SLC10A3: variants seen among roughly 807,000 people sequenced by gnomAD.
SLC10A3 encodes P3 protein.
SLC10A3 carries 1 observed loss-of-function variant against 1.9 expected under a neutral mutation model. The ratio of observed to expected loss-of-function variants is 0.52; its 90% CI spans 0.19 to 2.48. SLC10A3 has a LOEUF of 2.48. Ranked by LOEUF, SLC10A3 falls within the 30% of genes most tolerant of loss-of-function variation. The pLI, the probability that SLC10A3 is intolerant of heterozygous loss-of-function variation, is 0.25. For missense variants in SLC10A3, 317 were observed against 398.5 expected (o/e 0.80, Z 1.74); for synonymous variants, 202 against 189.3 (o/e 1.07, Z -0.55).
intron 1 of SLC10A3, chrX:154,489,973 C>T: frequency 9.3e-7 from 1 of 1,072,220 alleles, no homozygotes; most frequent in Non-Finnish European, 1.2e-6. Context: ...ATGTGTCTTA[C>T]CTCTGAAGAG....
rs782398327 is a variant in SLC10A3 at position 154,487,933 on chromosome X, C to T, written c.1008G>A (p.Val336=). 3.3e-6 allele frequency: 4 copies of T among 1,211,436 alleles called. No homozygotes were observed. The Admixed American group carries it at 8.7e-5, about 26-fold the overall frequency. The change falls in exon 2 of 2, where the codon GTG becomes GTA. Residue 336 remains valine (V), a synonymous_variant. Coordinates refer to ENST00000651600, the MANE Select transcript of SLC10A3 (RefSeq NM_019848.5). ...GGAGCTTGGACTTGATCAGCACGCC[C>T]ACGGCTATGGGGATGGCAATGAACA... The part of the protein sequence containing the change: ...TLLFIAIPIA[V]GVLIKSKLPK...
chrX:154,490,181 T>A, intron 1 of SLC10A3, 126 bp downstream of exon 1: 1 of 919,360 alleles, frequency 1.1e-6, no homozygotes, highest in Non-Finnish European at 1.3e-6. Flanking sequence ...TCCCACACCA[T>A]TTCTGCTTGA....
rs2069329968 is a variant in SLC10A3 at position 154,488,149 on chromosome X, C to T, written c.792G>A (p.Ser264=). ...LALGLIITCS[S]PGGGGSYLFS... ...AGAGGTAGCTCCCCCCGCCGCCAGG[C>T]GACGAGCAGGTGATGATGAGGCCCA... The change falls in exon 2 of 2, where the codon TCG becomes TCA. Residue 264 remains serine (S), a synonymous_variant. Transcript: ENST00000651600. 2.5e-6 allele frequency: 3 copies of T among 1,209,499 alleles called. No individual in the cohort carries two copies. The highest frequency in any genetic ancestry group is 3.5e-5 in the South Asian group (2 of 56,771).
rs782656612 is a variant in SLC10A3, at chrX:154,487,481, G to A, written c.*26C>T. On this transcript the variant is annotated 3_prime_UTR_variant, in exon 2 of 2. Coordinates refer to ENST00000651600, the MANE Select transcript of SLC10A3 (RefSeq NM_019848.5). ...ACTTTGGTGGAGTGTGGGGGCTGGG[G>A]CTGATGAAAGCTTGACCCAGAGGCC... is the stretch of plus-strand genomic sequence containing the variant. The A allele has an allele frequency of 2.5e-6, 3 of 1,209,514 alleles. No homozygotes were observed. Among genetic ancestry groups the A allele is most frequent in the Admixed American group, 4.4e-5 (2 of 45,924 alleles).
At position 154,487,358 on chromosome X, in the gene SLC10A3, A is replaced by G; in HGVS notation, c.*149T>C. The G allele has an allele frequency of 1.4e-6, 1 of 722,350 alleles. No individual in the cohort carries two copies. The highest frequency in any genetic ancestry group is 2.0e-6 in the Non-Finnish European group (1 of 497,438). 59.5% of individuals were successfully genotyped at this position (722,350 alleles called of 1,213,427 possible). On this transcript the variant is annotated 3_prime_UTR_variant, in exon 2 of 2. Transcript: ENST00000651600. ...TATATTTTCTGGGCAGCGCCCACCT[A>G]CCTAACTCAGCATGGCCTCTTTGGC...
intron 1 of SLC10A3, chrX:154,489,919 G>A: frequency 1.9e-6 from 2 of 1,056,643 alleles, no homozygotes; most frequent in Non-Finnish European, 2.5e-6. Flanking sequence ...GGCCTCTGCT[G>A]GCTTGAAGTT....
Position 154,487,457 on chromosome X carries a change from C to T in SLC10A3, c.*50G>A. The T allele has an allele frequency of 8.3e-7, 1 of 1,199,907 alleles. No homozygotes were observed. The highest frequency in any genetic ancestry group is 1.1e-6 in the Non-Finnish European group (1 of 889,274). On this transcript the variant is annotated 3_prime_UTR_variant, in exon 2 of 2. Transcript: ENST00000651600. ...TTTCTGAGTGCATAGTGCATGAGAA[C>T]TTTGGTGGAGTGTGGGGGCTGGGGC...
rs910001668 is a variant in SLC10A3, at chrX:154,490,470, C to T, written c.-306G>A. The T allele has an allele frequency of 1.7e-5, 9 of 539,762 alleles. No individual in the cohort carries two copies. Among genetic ancestry groups the T allele is most frequent in the Non-Finnish European group, 1.4e-5 (6 of 444,409 alleles). 44.5% of individuals were successfully genotyped at this position (539,762 alleles called of 1,213,427 possible). ...GCCATTCCTGGGCCCCGCGGCCCCG[C>T]CAGGCCTCGCAAACGCGCGGCGGCG... On this transcript the variant is annotated 5_prime_UTR_variant, in exon 1 of 2. Coordinates refer to ENST00000651600, the MANE Select transcript of SLC10A3 (RefSeq NM_019848.5).
At chrX:154,489,621 C>A in intron 1 of SLC10A3, 1 of 754,205 alleles carries the variant, frequency 1.3e-6, no homozygotes, top group Non-Finnish European at 1.6e-6. Context: ...CCAGCAACAC[C>A]CCCTTCCACT....
rs969314790 is a variant in SLC10A3, at chrX:154,490,431, G to C, written c.-267C>G. 72 of 692,190 alleles carry C rather than the reference G, an allele frequency of 1.0e-4. No individual in the cohort carries two copies. Among genetic ancestry groups the C allele is most frequent in the Non-Finnish European group, 1.2e-4 (72 of 584,020 alleles). 57.0% of individuals were successfully genotyped at this position (692,190 alleles called of 1,213,427 possible). On this transcript the variant is annotated 5_prime_UTR_variant, in exon 1 of 2. Coordinates refer to ENST00000651600, the MANE Select transcript of SLC10A3 (RefSeq NM_019848.5). ...CCCGCTCGGGCCGTCTCGGAGTCTGGGGGGGCCCCTTACGCCATTCCTGGG... is the reference window on the plus strand; with the variant it reads ...CCCGCTCGGGCCGTCTCGGAGTCTGCGGGGGCCCCTTACGCCATTCCTGGG...
chrX:154,488,722 C>T lies in SLC10A3; in HGVS notation c.219G>A (p.Val73=), dbSNP rs1557213943. 8.3e-7 allele frequency: 1 copy of T among 1,211,972 alleles called. No individual in the cohort carries two copies. The highest frequency in any genetic ancestry group is 3.0e-5 in the East Asian group (1 of 33,865). ...TGTCCTCAGGAAACTCAAACTCCAT[C>T]ACAGAGCCATCTCCAATGCTCAAGT... The part of the protein sequence containing the change: ...GRYLSIGDGS[V]MEFEFPEDSE... The change falls in exon 2 of 2, where the codon GTG becomes GTA. Residue 73 remains valine, a synonymous_variant. Coordinates refer to ENST00000651600, the MANE Select transcript of SLC10A3 (RefSeq NM_019848.5).
chrX:154,488,644 C>T lies in SLC10A3; in HGVS notation c.297G>A (p.Thr99=), dbSNP rs782331558. Residue 99 remains threonine, a synonymous_variant, in exon 2 of 2, where the codon ACG becomes ACA. Transcript: ENST00000651600. ...SSQYPGQANR[T]APGPMLRVTS... ...TGACCCTGAGCATGGGGCCAGGCGC[C>T]GTCCTGTTGGCCTGGCCTGGGTACT... The T allele has an allele frequency of 2.0e-5, 24 of 1,209,721 alleles. No individual in the cohort carries two copies. The East Asian group carries it at 3.0e-4, about 15-fold the overall frequency.
Position 154,488,371 on chromosome X carries a change from G to A in SLC10A3, c.570C>T (p.Asn190=), listed in dbSNP as rs781988601. 2.6e-5 allele frequency: 31 copies of A among 1,210,372 alleles called. No individual in the cohort carries two copies. In the South Asian group the frequency reaches 5.3e-4, roughly 21 times the overall value. Residue 190 remains asparagine, a synonymous_variant, in exon 2 of 2, where the codon AAC becomes AAT. Coordinates refer to ENST00000651600, the MANE Select transcript of SLC10A3 (RefSeq NM_019848.5). ...GAGGCAGGAGCAGGTAGAGGATTGG[G>A]TTTTCCGAGAAGTGGGCCAGGTCGG... ...LSADLAHFSE[N]PILYLLLPLI...
At position 154,489,100 on chromosome X, in the gene SLC10A3, A is replaced by C. The variant is rs1603398524; in HGVS notation, c.-142-18T>G. On this transcript the variant is annotated intron_variant, in intron 1 of 1. Coordinates refer to ENST00000651600, the MANE Select transcript of SLC10A3 (RefSeq NM_019848.5). ...GGCTGTCCCTGAGGAGGTAAGGGAC[A>C]CAGAGAGGCAGCTGGTGAGGGTCAC... The C allele has an allele frequency of 4.3e-6, 5 of 1,162,563 alleles. No individual in the cohort carries two copies. The highest frequency in any genetic ancestry group is 5.7e-6 in the Non-Finnish European group (5 of 870,137).
rs200438517 is a variant in SLC10A3, at chrX:154,488,931, T to C, written c.10A>G (p.Met4Val). MVL[M>V]QDKGSSQQWP... ...TGCTGAGAGCTGCCCTTGTCCTGCA[T>C]TAACACCATGGCTCTTCCTGGAGGA... Residue 4 changes from methionine (M) to valine (V), a missense_variant, in exon 2 of 2, where the codon ATG becomes GTG. By Grantham distance (21) the Met-to-Val change is conservative. Coordinates refer to ENST00000651600, the MANE Select transcript of SLC10A3 (RefSeq NM_019848.5). 1 of 1,207,378 alleles carries C rather than the reference T, an allele frequency of 8.3e-7. No individual in the cohort carries two copies. The highest frequency in any genetic ancestry group is 3.0e-5 in the East Asian group (1 of 33,615).
intron 1 of SLC10A3, chrX:154,489,986 A>T: frequency 9.4e-7 from 1 of 1,063,756 alleles, no homozygotes; most frequent in South Asian, 2.6e-5. Context: ...CTGAAGAGGG[A>T]GGCAGGAAAA....
At position 154,488,212 on chromosome X, in the gene SLC10A3, G is replaced by C. The variant is rs781981010; in HGVS notation, c.729C>G (p.Leu243=). The C allele has an allele frequency of 1.5e-5, 18 of 1,210,300 alleles. No homozygotes were observed. The highest frequency in any genetic ancestry group is 1.9e-5 in the Non-Finnish European group (17 of 895,301). The part of the protein sequence containing the change: ...QFLVMPLYAF[L]MAKVFMLPKA... ...TGGGCAGCATGAAGACCTTGGCCAT[G>C]AGGAAAGCGTACAAGGGCATGACCA... The change falls in exon 2 of 2, where the codon CTC becomes CTG. Residue 243 remains leucine (L), a synonymous_variant. Transcript: ENST00000651600.
At chrX:154,489,468 T>C in intron 1 of SLC10A3, 1 of 754,007 alleles carries the variant, frequency 1.3e-6, no homozygotes, top group East Asian at 1.5e-4. Context: ...TTGTCAGAGC[T>C]CCCACTGGGC....
chrX:154,487,759 C>G lies in SLC10A3; in HGVS notation c.1182G>C (p.Leu394=). Residue 394 remains leucine, a synonymous_variant, in exon 2 of 2, where the codon CTG becomes CTC. Transcript: ENST00000651600. The stretch of plus-strand genomic sequence containing the variant: ...GGCAGTAGCCCACCAACAGGCCAAC[C>G]AGGGGCACCGTGATACCCACCAGTA... The part of the protein sequence containing the change: ...PIVLVGITVP[L]VGLLVGYCLA... 1 of 1,211,266 alleles carries G rather than the reference C, an allele frequency of 8.3e-7. No homozygotes were observed.
Sources: gnomAD v4.1 joint callset for allele counts on GRCh38, gnomAD v4.1.1 for gene constraint, MANE v1.5 for transcripts, NCBI Gene and HGNC (gene_info 2026-07-23, HGNC 2026-07-21) for gene names.